MRPL40: variants seen among roughly 807,000 people sequenced by gnomAD.
MRPL40 encodes mitochondrial ribosomal protein L40.
MRPL40 carries 18 observed loss-of-function variants against 24.5 expected under a neutral mutation model. The ratio of observed to expected loss-of-function variants is 0.73; its 90% confidence interval spans 0.51 to 1.09. MRPL40 has a LOEUF of 1.09. Among genes scored for constraint, MRPL40 ranks in the 50% least tolerant of loss-of-function variants. MRPL40 has a pLI of 0.00. For synonymous variants in MRPL40, 108 were observed against 94.6 expected, an observed-to-expected ratio of 1.14 and a Z score of -0.82; for missense variants, 256 against 243.8, an observed-to-expected ratio of 1.05 and a Z score of -0.33.
At chr22:19,432,713 C>G (rs1476737402) in intron 1 of MRPL40, 106 bp downstream of exon 1, 5 of 1,442,702 alleles carry the variant, frequency 3.5e-6, no homozygotes, top group African/African-American at 1.5e-5. Context: ...TCCCAGTCCA[C>G]GAATATCTCA....
chr22:19,435,919 A>G lies in MRPL40; in HGVS notation c.578A>G (p.Asn193Ser). The change falls in exon 4 of 4, where the codon AAT becomes AGT. Residue 193 changes from asparagine to serine, a missense_variant. Physicochemically the swap from Asn to Ser is conservative, Grantham distance 46. Transcript: ENST00000333130. Reference sequence around the variant, plus strand: ...TACCAACCCCCTGAAGGCAGGTACAATGACATCACCAAGGTGTACACACAA... The same window carrying G: ...TACCAACCCCCTGAAGGCAGGTACAGTGACATCACCAAGGTGTACACACAA... ...PNYQPPEGRY[N>S]DITKVYTQVE... is the part of the protein sequence containing the mutation. The G allele has an allele frequency of 4.3e-6, 7 of 1,614,184 alleles. No individual in the cohort carries two copies. Among genetic ancestry groups the G allele is most frequent in the Admixed American group, 1.7e-5 (1 of 60,030 alleles).
intron 1 of MRPL40, 30 bp downstream of exon 1, chr22:19,432,637 G>C: frequency 6.5e-7 from 1 of 1,540,726 alleles, no homozygotes. Context: ...GGATAGCGGA[G>C]TGCCCAGGGC....
intron 2 of MRPL40, among the ~76,000 whole-genome samples, chr22:19,434,028 C>T (rs1260771959): frequency 1.3e-5 from 2 of 151,992 alleles, no homozygotes; most frequent in Admixed American, 1.3e-4. Context: ...CCTCAGCACC[C>T]AAAGTGCTGG....
At chr22:19,432,927 C>CA in intron 1 of MRPL40, 1 of 1,140,376 alleles carries the variant, frequency 8.8e-7, no homozygotes, top group Non-Finnish European at 1.1e-6. Flanking sequence ...GGGAGAGAAT[C>CA]AGATATTTAT....
In MRPL40 at chr22:19,432,574, G is replaced by T. The variant is rs1185608245; in HGVS notation, c.20G>T (p.Arg7Leu). The change falls in exon 1 of 4, where the codon CGA (arginine) becomes CTA (leucine). Residue 7 changes from arginine to leucine, a missense_variant. Coordinates refer to ENST00000333130, the MANE Select transcript of MRPL40 (RefSeq NM_003776.4). ...GTAGCCATGACGGCCTCCGTGCTGCGAAGTATCTCGCTAGCCCTGCGCCCG... is the reference window on the plus strand; with the variant it reads ...GTAGCCATGACGGCCTCCGTGCTGCTAAGTATCTCGCTAGCCCTGCGCCCG... The part of the protein sequence containing the change: MTASVL[R>L]SISLALRPTS... 3 of 1,553,056 alleles carry T rather than the reference G, an allele frequency of 1.9e-6. No homozygotes were observed. Among genetic ancestry groups the T allele is most frequent in the Non-Finnish European group, 2.6e-6 (3 of 1,149,912 alleles).
chr22:19,435,114 T>C (rs1037590272), intron 3 of MRPL40, among the ~76,000 whole-genome samples: 17 of 152,194 alleles, frequency 1.1e-4, no homozygotes, highest in African/African-American at 4.1e-4. Flanking sequence ...CATCTAATAA[T>C]CCAGATGCTT....
At position 19,432,623 on chromosome 22, in the gene MRPL40, G is replaced by A; in HGVS notation, c.53+16G>A. On this transcript the variant is annotated intron_variant, in intron 1 of 3. Transcript: ENST00000333130. ...CGACTAGCGGGTGAGTGCGGACGCT[G>A]GCCGGATAGCGGAGTGCCCAGGGCG... is the stretch of plus-strand genomic sequence containing the variant. 2 of 1,547,898 alleles carry A rather than the reference G, an allele frequency of 1.3e-6. No individual in the cohort carries two copies. Among genetic ancestry groups the A allele is most frequent in the Non-Finnish European group, 1.7e-6 (2 of 1,146,762 alleles).
rs2089553575 is a variant in MRPL40 at position 19,432,623 on chromosome 22, GGCC to G, written c.53+18_53+20del. On this transcript the variant is annotated intron_variant, in intron 1 of 3. Coordinates refer to ENST00000333130, the MANE Select transcript of MRPL40 (RefSeq NM_003776.4). ...CGACTAGCGGGTGAGTGCGGACGCT[GGCC>G]GGATAGCGGAGTGCCCAGGGCGCGT... The G allele has an allele frequency of 6.5e-7, 1 of 1,547,898 alleles. No individual in the cohort carries two copies. The highest frequency in any genetic ancestry group is 2.5e-5 in the East Asian group (1 of 40,118).
chr22:19,434,960 T>G (rs2089577800), intron 3 of MRPL40, 66 bp downstream of exon 3: 1 of 1,369,010 alleles, frequency 7.3e-7, no homozygotes, highest in African/African-American at 1.5e-5. Flanking sequence ...CAGGTAGTTG[T>G]GTCTGTAGTT....
rs571044282 is a variant in MRPL40, at chr22:19,435,574, TTG to T, written c.297-60_297-59del. On this transcript the variant is annotated intron_variant, in intron 3 of 3. Coordinates refer to ENST00000333130, the MANE Select transcript of MRPL40 (RefSeq NM_003776.4). ...TGTCTGTGTCTGGCAATGGGAATACTTGTGTCAGTTGCAGTCACAGACTTACA... is the reference window on the plus strand; with the variant it reads ...TGTCTGTGTCTGGCAATGGGAATACTTGTCAGTTGCAGTCACAGACTTACA... 1.4e-5 allele frequency: 20 copies of T among 1,439,544 alleles called. No homozygotes were observed. In the East Asian group the frequency reaches 3.2e-4, roughly 23 times the overall value. The allele number at this position is 1,439,544 out of a possible 1,614,324, so 89.2% of individuals were successfully genotyped here.
chr22:19,433,103 T>C, intron 1 of MRPL40, 162 bp from the exon 2 acceptor site: 1 of 520,268 alleles, frequency 1.9e-6, no homozygotes, highest in East Asian at 4.0e-5. Flanking sequence ...ATTTTTGTAT[T>C]TTTAGTAGAG....
Position 19,435,805 on chromosome 22 carries a change from C to T in MRPL40, c.464C>T (p.Pro155Leu), listed in dbSNP as rs376277701. Residue 155 changes from proline (P) to leucine (L), a missense_variant, in exon 4 of 4, where the codon CCG (proline) becomes CTG (leucine). Pro to Leu is a moderately conservative substitution (Grantham distance 98, BLOSUM62 -3). Transcript: ENST00000333130. The stretch of plus-strand genomic sequence containing the variant: ...CTGGAGGAACTGCAACTGGAATCCC[C>T]GAAGCTCCATGCTGAGGCCATCAAG... ...EALEELQLESPKLHAEAIKRD... is the reference protein window; with the variant it reads ...EALEELQLESLKLHAEAIKRD... 6.3e-5 allele frequency: 102 copies of T among 1,614,200 alleles called. No individual in the cohort carries two copies. In the South Asian group the frequency reaches 7.7e-4, roughly 12 times the overall value.
At chr22:19,432,950 G>A in intron 1 of MRPL40, 1 of 1,065,896 alleles carries the variant, frequency 9.4e-7, no homozygotes, top group Non-Finnish European at 1.2e-6. Flanking sequence ...ATTTATTTGA[G>A]ACAGAGTCTC....
intron 2 of MRPL40, among the ~76,000 whole-genome samples, chr22:19,433,681 G>T (rs1335265660): frequency 6.6e-6 from 1 of 152,144 alleles, no homozygotes; most frequent in African/African-American, 2.4e-5. Flanking sequence ...TGGGGAAGAT[G>T]CAAGTATTAA....
chr22:19,434,891 C>T lies in MRPL40; in HGVS notation c.293C>T (p.Ala98Val). ...FITPLKFLDK[A>V]RERPQVELTF... is the part of the protein sequence containing the mutation. ...ACCCCTCTAAAGTTCTTGGATAAAG[C>T]AAGGTAAGGATCCTTCTCTAGGGAT... is the stretch of plus-strand genomic sequence containing the variant. The change falls in exon 3 of 4, where the codon GCA (alanine) becomes GTA (valine). Residue 98 changes from alanine to valine, a missense_variant. By Grantham distance (64) the Ala-to-Val change is moderately conservative. Coordinates refer to ENST00000333130, the MANE Select transcript of MRPL40 (RefSeq NM_003776.4). 6.3e-7 allele frequency: 1 copy of T among 1,588,772 alleles called. No individual in the cohort carries two copies.
Position 19,432,588 on chromosome 22 carries a change from G to A in MRPL40, c.34G>A (p.Ala12Thr), listed in dbSNP as rs1387595083. The change falls in exon 1 of 4, where the codon GCC becomes ACC. Residue 12 changes from alanine (A) to threonine (T), a missense_variant. Coordinates refer to ENST00000333130, the MANE Select transcript of MRPL40 (RefSeq NM_003776.4). ...TASVLRSISL[A>T]LRPTSGLLGT... ...CTCCGTGCTGCGAAGTATCTCGCTA[G>A]CCCTGCGCCCGACTAGCGGGTGAGT... 6.4e-7 allele frequency: 1 copy of A among 1,554,084 alleles called. No homozygotes were observed. The highest frequency in any genetic ancestry group is 1.4e-5 in the African/African-American group (1 of 72,546).
At position 19,435,953 on chromosome 22, in the gene MRPL40, TAAGAG is replaced by T; in HGVS notation, c.614_618del (p.Lys205IlefsTer32). The T allele has an allele frequency of 6.2e-7, 1 of 1,612,516 alleles. No individual in the cohort carries two copies. The highest frequency in any genetic ancestry group is 1.1e-5 in the South Asian group (1 of 90,998). Reference sequence around the variant, plus strand: ...CCAAGGTGTACACACAAGTGGAGTTTAAGAGATAGACTTGCAGGCTGCTATCCTTA... The same window carrying T: ...CCAAGGTGTACACACAAGTGGAGTTTATAGACTTGCAGGCTGCTATCCTTA... On this transcript the variant is annotated frameshift_variant, in exon 4 of 4. Coordinates refer to ENST00000333130, the MANE Select transcript of MRPL40 (RefSeq NM_003776.4). LOFTEE classifies it high-confidence loss of function.
At position 19,435,803 on chromosome 22, in the gene MRPL40, C is replaced by T; in HGVS notation, c.462C>T (p.Ser154=). The T allele has an allele frequency of 6.2e-7, 1 of 1,614,136 alleles. No individual in the cohort carries two copies. The highest frequency in any genetic ancestry group is 8.5e-7 in the Non-Finnish European group (1 of 1,180,024). The change falls in exon 4 of 4, where the codon TCC becomes TCT. Residue 154 remains serine, a synonymous_variant. Transcript: ENST00000333130. ...QEALEELQLE[S]PKLHAEAIKR... ...CTCTGGAGGAACTGCAACTGGAATC[C>T]CCGAAGCTCCATGCTGAGGCCATCA...
rs1232104517 is a variant in MRPL40 at position 19,435,848 on chromosome 22, C to T, written c.507C>T (p.Phe169=). The change falls in exon 4 of 4, where the codon TTC becomes TTT. Residue 169 remains phenylalanine, a synonymous_variant. Coordinates refer to ENST00000333130, the MANE Select transcript of MRPL40 (RefSeq NM_003776.4). ...AEAIKRDPNL[F]PFEKEGPHYT... The stretch of plus-strand genomic sequence containing the variant: ...CCATCAAGCGGGATCCTAACCTGTT[C>T]CCCTTTGAGAAGGAAGGGCCACATT... 2 of 1,614,194 alleles carry T rather than the reference C, an allele frequency of 1.2e-6. No individual in the cohort carries two copies. The highest frequency in any genetic ancestry group is 8.5e-7 in the Non-Finnish European group (1 of 1,180,020).
Sources: gnomAD v4.1 joint callset for allele counts (sites outside exome capture counted in the v4.1 genomes callset) on GRCh38, gnomAD v4.1.1 for gene constraint, MANE v1.5 for transcripts, NCBI Gene and HGNC (gene_info 2026-07-23, HGNC 2026-07-21) for gene names.